The following ANKRD40 variants were observed in gnomAD, a reference collection of about 807,000 sequenced individuals.
The protein encoded by ANKRD40 is ankyrin repeat domain 40.
ANKRD40 carries 24 observed loss-of-function variants against 35.5 expected under a neutral mutation model. The observed-to-expected ratio is 0.68, with a 90% CI of 0.49 to 0.95. The LOEUF (loss-of-function observed/expected upper bound fraction) is 0.95. ANKRD40 is among the 40% of genes least tolerant of loss of function. The pLI, the probability that ANKRD40 is intolerant of heterozygous loss-of-function variation, is 0.00. For missense variants in ANKRD40, 361 were observed against 436.0 expected, an observed-to-expected ratio of 0.83 and a Z score of 1.53; for synonymous variants, 147 against 173.5, an observed-to-expected ratio of 0.85 and a Z score of 1.20.
At chr17:50,698,680 T>C (rs750769719) in intron 3 of ANKRD40, among the ~76,000 whole-genome samples, 2 of 152,146 alleles carry the variant, frequency 1.3e-5, no homozygotes, top group East Asian at 3.9e-4. Context: ...ATAGTACAGA[T>C]AGTACTATTT....
intron 1 of ANKRD40, among the ~76,000 whole-genome samples, chr17:50,703,821 T>C (rs181625662): frequency 4.3e-4 from 65 of 152,240 alleles, no homozygotes; most frequent in Admixed American, 2.6e-3. Context: ...ATCTGACTTA[T>C]GTTTTAAGTC....
At chr17:50,703,663 C>T (rs1383996116) in intron 1 of ANKRD40, among the ~76,000 whole-genome samples, 2 of 151,780 alleles carry the variant, frequency 1.3e-5, no homozygotes, top group African/African-American at 4.8e-5. Flanking sequence ...AGCAAGGAGG[C>T]CAGGGGAAAA....
intron 1 of ANKRD40, among the ~76,000 whole-genome samples, chr17:50,704,735 C>CA (rs1218514993): frequency 1.3e-5 from 2 of 152,088 alleles, no homozygotes; most frequent in East Asian, 3.9e-4. Context: ...TTCTGGGCCT[C>CA]AGTTTCTTCA....
chr17:50,696,820 A>G (rs1968205941), intron 4 of ANKRD40, 120 bp downstream of exon 4: 2 of 1,004,982 alleles, frequency 2.0e-6, no homozygotes, highest in Non-Finnish European at 1.4e-6. Flanking sequence ...CATTTGGAAA[A>G]TCACTCTTTG....
At chr17:50,702,440 G>A (rs567904192) in intron 1 of ANKRD40, among the ~76,000 whole-genome samples, 4 of 151,784 alleles carry the variant, frequency 2.6e-5, no homozygotes, top group Non-Finnish European at 5.9e-5. Context: ...TAAGGATAAA[G>A]TGGACCTTGC....
intron 1 of ANKRD40, among the ~76,000 whole-genome samples, chr17:50,704,467 G>A (rs1448463790): frequency 3.0e-5 from 4 of 131,924 alleles, no homozygotes; most frequent in African/African-American, 1.2e-4. Flanking sequence ...AGTGAGCTGA[G>A]ATCACGCATT....
intron 3 of ANKRD40, among the ~76,000 whole-genome samples, chr17:50,697,987 C>T (rs1173941007): frequency 6.6e-6 from 1 of 152,086 alleles, no homozygotes; most frequent in East Asian, 1.9e-4. Context: ...AAAAGTTATA[C>T]ATAGAGAAAT....
At chr17:50,706,723 A>G (rs964110751) in intron 1 of ANKRD40, among the ~76,000 whole-genome samples, 2 of 133,618 alleles carry the variant, frequency 1.5e-5, no homozygotes, top group African/African-American at 5.7e-5. Flanking sequence ...CCCCATCTCT[A>G]CCAAAAATAC....
In ANKRD40 at chr17:50,706,030, T is replaced by C. The variant is rs539384639; in HGVS notation, c.134+1491A>G. Among the ~76,000 whole-genome samples the C allele has an allele frequency of 4.6e-5, 7 of 152,040 alleles. No homozygotes were observed. The East Asian group carries it at 1.4e-3, about 29-fold the overall frequency. ...CTATCATATTAATAGTTATGTGGCCTAGGGCAAGTTATTCTCTGTGGTTGA... is the reference window on the plus strand; with the variant it reads ...CTATCATATTAATAGTTATGTGGCCCAGGGCAAGTTATTCTCTGTGGTTGA... On this transcript the variant is annotated intron_variant, in intron 1 of 4. Coordinates refer to ENST00000285243, the MANE Select transcript of ANKRD40 (RefSeq NM_052855.4).
intron 1 of ANKRD40, among the ~76,000 whole-genome samples, chr17:50,701,428 G>A (rs1176392318): frequency 1.3e-5 from 2 of 152,032 alleles, no homozygotes; most frequent in Non-Finnish European, 2.9e-5. Context: ...AATTCTTCAC[G>A]AACAGGTTCT....
At chr17:50,699,975 G>A in intron 2 of ANKRD40, 82 bp from the exon 3 acceptor site, 1 of 1,342,928 alleles carries the variant, frequency 7.4e-7, no homozygotes. Flanking sequence ...GGTGTCTTTT[G>A]GTATGTGACA....
chr17:50,697,196 A>G (rs1422715229), intron 3 of ANKRD40, 75 bp from the exon 4 acceptor site: 2 of 1,376,540 alleles, frequency 1.5e-6, no homozygotes, highest in African/African-American at 2.9e-5. Context: ...TCTTTTCCAG[A>G]AGATGGTTAT....
chr17:50,698,985 CAAAAAAAAAAAAAA>C (rs5820829), intron 3 of ANKRD40, among the ~76,000 whole-genome samples: 1 of 69,618 alleles, frequency 1.4e-5, no homozygotes, highest in Non-Finnish European at 2.6e-5. Context: ...ACTAAAAATA[CAAAAAAAAAAAAAA>C]AAAAAAAAAA....
intron 3 of ANKRD40, among the ~76,000 whole-genome samples, chr17:50,698,646 T>C (rs1968227515): frequency 6.6e-6 from 1 of 151,804 alleles, no homozygotes; most frequent in Non-Finnish European, 1.5e-5. Context: ...GGCAGAGGAG[T>C]ACAGATAGTC....
intron 3 of ANKRD40, among the ~76,000 whole-genome samples, chr17:50,699,126 T>C (rs1039717915): frequency 1.3e-5 from 2 of 151,698 alleles, no homozygotes; most frequent in African/African-American, 4.8e-5. Flanking sequence ...ACCACTGTAC[T>C]CCAGCCTGGG....
At chr17:50,705,013 C>T (rs1261408845) in intron 1 of ANKRD40, among the ~76,000 whole-genome samples, 1 of 150,352 alleles carries the variant, frequency 6.7e-6, no homozygotes, top group African/African-American at 2.4e-5. Context: ...ACTCGGGAGG[C>T]TGAGGCAGGA....
At chr17:50,702,818 G>C (rs1968286765) in intron 1 of ANKRD40, among the ~76,000 whole-genome samples, 1 of 152,150 alleles carries the variant, frequency 6.6e-6, no homozygotes, top group Non-Finnish European at 1.5e-5. Context: ...ACCGTCCAGA[G>C]CTGTGCGGCT....
intron 1 of ANKRD40, among the ~76,000 whole-genome samples, chr17:50,704,051 C>T (rs1968300467): frequency 6.6e-6 from 1 of 151,580 alleles, no homozygotes; most frequent in Admixed American, 6.6e-5. Flanking sequence ...CTATGAAAGA[C>T]AGGAGGCAAG....
chr17:50,706,901 C>A (rs1968345694), intron 1 of ANKRD40, among the ~76,000 whole-genome samples: 3 of 19,944 alleles, frequency 1.5e-4, no homozygotes, highest in African/African-American at 1.9e-4. Flanking sequence ...AAGACCCTGT[C>A]TCAAAAAAAA....
Sources: gnomAD v4.1 joint callset for allele counts (sites outside exome capture counted in the v4.1 genomes callset) on GRCh38, gnomAD v4.1.1 for gene constraint, MANE v1.5 for transcripts, NCBI Gene and HGNC (gene_info 2026-07-23, HGNC 2026-07-21) for gene names.